The following EFCAB12 variants were observed in gnomAD, a reference collection of about 807,000 sequenced individuals.
The protein encoded by EFCAB12 is EF-hand calcium-binding domain-containing protein 12.
A neutral mutation model predicts 53.6 loss-of-function variants in EFCAB12; 43 were observed. The ratio of observed to expected loss-of-function variants is 0.80; its 90% CI spans 0.63 to 1.03. The LOEUF (loss-of-function observed/expected upper bound fraction) is 1.03, where lower values mean the gene tolerates loss of function less well. EFCAB12 is among the 50% of genes least tolerant of loss of function. EFCAB12 has a pLI of 0.00. For synonymous variants in EFCAB12, 269 were observed against 289.2 expected, an observed-to-expected ratio of 0.93 and a Z score of 0.71; for missense variants, 646 against 730.6, an observed-to-expected ratio of 0.88 and a Z score of 1.34.
At chr3:129,415,548 C>T (rs1013589453) in intron 3 of EFCAB12, 147 bp from the exon 4 acceptor site, 4 of 978,698 alleles carry the variant, frequency 4.1e-6, no homozygotes, top group African/African-American at 3.4e-5. Context: ...GTCCCTGCTG[C>T]AGCTCAGAGC....
Position 129,428,347 on chromosome 3 carries a change from C to A in EFCAB12, c.49+93G>T, listed in dbSNP as rs557668157. Reference sequence around the variant, plus strand: ...ACCCTTCACCCAGAGGGGGTCGGCACAATATCTGTGGCTGAGTTTTTGCCC... The same window carrying A: ...ACCCTTCACCCAGAGGGGGTCGGCAAAATATCTGTGGCTGAGTTTTTGCCC... On this transcript the variant is annotated intron_variant, in intron 1 of 8. Coordinates refer to ENST00000505956, the MANE Select transcript of EFCAB12 (RefSeq NM_207307.3). 1.0e-4 allele frequency: 153 copies of A among 1,520,386 alleles called. 2 individuals are homozygous for A. The African/African-American group carries it at 2.0e-3, about 20-fold the overall frequency. The allele number at this position is 1,520,386 out of a possible 1,614,324, so 94.2% of individuals were successfully genotyped here.
intron 1 of EFCAB12, among the ~76,000 whole-genome samples, chr3:129,422,402 C>T (rs1221437562): frequency 1.3e-5 from 2 of 152,120 alleles, no homozygotes; most frequent in African/African-American, 4.8e-5. Flanking sequence ...TTTTGATAAC[C>T]TTAAAATGAA....
At chr3:129,418,548 C>T (rs1375176953) in intron 2 of EFCAB12, 100 bp from the exon 3 acceptor site, 18 of 1,109,572 alleles carry the variant, frequency 1.6e-5, no homozygotes, top group Non-Finnish European at 2.2e-5. Context: ...GGACGAGCAG[C>T]TCTAAATAGC....
intron 1 of EFCAB12, among the ~76,000 whole-genome samples, chr3:129,426,387 C>G (rs181549360): frequency 9.9e-6 from 1 of 101,130 alleles, no homozygotes; most frequent in Admixed American, 1.4e-4. Context: ...TTTTTTGAGA[C>G]GGACTCTTGC....
In EFCAB12 at chr3:129,418,265, C is replaced by A. The variant is rs781252736; in HGVS notation, c.670G>T (p.Ala224Ser). 6 of 1,609,128 alleles carry A rather than the reference C, an allele frequency of 3.7e-6. No homozygotes were observed. The East Asian group carries it at 1.3e-4, about 36-fold the overall frequency. ...CAGGTGGCACTTACTGCCTTTACAG[C>A]CGCGATGAACTCCTCCCTGGTGATT... ...QRITREEFIA[A>S]VKAVGVPLKN... Residue 224 changes from alanine (A) to serine (S), a missense_variant, in exon 3 of 9, where the codon GCT becomes TCT. By Grantham distance (99) the Ala-to-Ser change is moderately conservative. Coordinates refer to ENST00000505956, the MANE Select transcript of EFCAB12 (RefSeq NM_207307.3).
In EFCAB12 at chr3:129,411,179, G is replaced by A. The variant is rs180881254; in HGVS notation, c.1014C>T (p.Arg338=). Residue 338 remains arginine (R), a synonymous_variant, in exon 5 of 9, where the codon CGC becomes CGT. Coordinates refer to ENST00000505956, the MANE Select transcript of EFCAB12 (RefSeq NM_207307.3). ...GTACCTTGTGCTGTCGCTGCCGCTC[G>A]CGGTACCGCTTGCCCACTTCCTCCA... The part of the protein sequence containing the change: ...EEMEEVGKRY[R]ERQRQHKLTI... 9,593 of 1,603,448 alleles carry A rather than the reference G, an allele frequency of 6.0e-3. 39 individuals are homozygous for A. Among genetic ancestry groups the A allele is most frequent in the Non-Finnish European group, 7.2e-3 (8,474 of 1,175,078 alleles).
chr3:129,411,519 T>G, intron 4 of EFCAB12, 165 bp from the exon 5 acceptor site: 1 of 596,270 alleles, frequency 1.7e-6, no homozygotes, highest in Non-Finnish European at 2.8e-6. Context: ...AGCTGTACCT[T>G]AGATGTGGCC....
At chr3:129,424,092 C>T (rs2072221508) in intron 1 of EFCAB12, among the ~76,000 whole-genome samples, 1 of 152,066 alleles carries the variant, frequency 6.6e-6, no homozygotes, top group Non-Finnish European at 1.5e-5. Flanking sequence ...CTTTCTGCAT[C>T]TTTCTTTCCC....
At chr3:129,416,067 GC>G (rs2072111493) in intron 3 of EFCAB12, among the ~76,000 whole-genome samples, 1 of 152,214 alleles carries the variant, frequency 6.6e-6, no homozygotes, top group East Asian at 1.9e-4. Flanking sequence ...ACAGACATGA[GC>G]CACTGTGCCT....
chr3:129,426,519 C>A (rs746513929), intron 1 of EFCAB12, among the ~76,000 whole-genome samples: 6 of 151,086 alleles, frequency 4.0e-5, no homozygotes, highest in Non-Finnish European at 8.9e-5. Flanking sequence ...TGTCTGCCAC[C>A]ACGACCGGCT....
At chr3:129,403,953 C>G (rs2071911084) in intron 7 of EFCAB12, 2 of 252,232 alleles carry the variant, frequency 7.9e-6, no homozygotes, top group East Asian at 7.5e-5. Context: ...CAGCCCTGTT[C>G]TCTAAGGAGG....
At chr3:129,406,533 T>C (rs1408066889) in intron 6 of EFCAB12, among the ~76,000 whole-genome samples, 1 of 152,126 alleles carries the variant, frequency 6.6e-6, no homozygotes, top group Non-Finnish European at 1.5e-5. Context: ...GAAAGGGTCT[T>C]GCTCTGTCAC....
Position 129,412,946 on chromosome 3 carries a change from G to T in EFCAB12, c.839-1592C>A, listed in dbSNP as rs116231484. 1.8e-3 allele frequency: 280 copies of T among 152,352 alleles called. 1 individual carries two copies. The highest frequency in any genetic ancestry group is 3.2e-3 in the Non-Finnish European group (221 of 68,064). 9.4% of individuals were successfully genotyped at this position (152,352 alleles called of 1,614,324 possible). On this transcript the variant is annotated intron_variant, in intron 4 of 8. Coordinates refer to ENST00000505956, the MANE Select transcript of EFCAB12 (RefSeq NM_207307.3). ...GAAAGAATCCCATTGTCCCTGCCCT[G>T]GTTCAGACCTTCATCGTCTCAAGCT...
chr3:129,403,719 G>C (rs2071907710), intron 7 of EFCAB12: 1 of 152,396 alleles, frequency 6.6e-6, no homozygotes. Context: ...AGGCTTTGGA[G>C]TACCAAAGGA....
At chr3:129,401,888 C>T (rs1234080306) in intron 8 of EFCAB12, 37 bp from the exon 9 acceptor site, 1 of 1,595,288 alleles carries the variant, frequency 6.3e-7, no homozygotes, top group East Asian at 2.2e-5. Context: ...GTTGTCATGG[C>T]AGACAGGCCA....
chr3:129,406,374 C>T (rs1279313779), intron 6 of EFCAB12, among the ~76,000 whole-genome samples: 2 of 152,170 alleles, frequency 1.3e-5, no homozygotes, highest in Non-Finnish European at 2.9e-5. Context: ...TTCCTGACAG[C>T]CTCTGACCAC....
intron 6 of EFCAB12, among the ~76,000 whole-genome samples, chr3:129,405,761 G>C (rs1027315846): frequency 6.6e-6 from 1 of 152,148 alleles, no homozygotes; most frequent in Admixed American, 6.5e-5. Context: ...GCTTATAGGA[G>C]ATCAGGCCTC....
rs890282253 is a variant in EFCAB12, at chr3:129,418,376, G to A, written c.559C>T (p.Leu187=). 9.9e-6 allele frequency: 16 copies of A among 1,613,610 alleles called. No individual in the cohort carries two copies. Among genetic ancestry groups the A allele is most frequent in the Non-Finnish European group, 1.4e-5 (16 of 1,179,746 alleles). ...PQLQLPEPPA[L]SVMYSYLHSR... is the part of the protein sequence containing the mutation. The stretch of plus-strand genomic sequence containing the variant: ...TGCAGGTAGGAGTACATGACCGACA[G>A]GGCAGGGGGCTCGGGCAGCTGGAGC... Residue 187 remains leucine, a synonymous_variant, in exon 3 of 9, where the codon CTG becomes TTG. Coordinates refer to ENST00000505956, the MANE Select transcript of EFCAB12 (RefSeq NM_207307.3).
intron 7 of EFCAB12, chr3:129,404,005 G>T (rs992276031): frequency 4.5e-6 from 2 of 441,502 alleles, no homozygotes; most frequent in East Asian, 3.6e-5. Flanking sequence ...GATTGTGCAG[G>T]ACTGGGGTCA....
Sources: allele counts gnomAD v4.1 joint callset (sites outside exome capture counted in the v4.1 genomes callset), GRCh38; gene constraint gnomAD v4.1.1; transcripts MANE v1.5; gene names NCBI Gene and HGNC (gene_info 2026-07-23, HGNC 2026-07-21).